COL4A2: variants seen among roughly 807,000 people sequenced by gnomAD.
COL4A2 encodes the protein collagen alpha-2(IV) chain.
In COL4A2, 99 loss-of-function variants were observed where a neutral mutation model predicts 200.2. The ratio of observed to expected loss-of-function variants is 0.49; its 90% CI spans 0.42 to 0.58. The LOEUF (loss-of-function observed/expected upper bound fraction) is 0.58. Among genes scored for constraint, COL4A2 ranks in the 20% least tolerant of loss-of-function variants. COL4A2 has a pLI of 0.00. For missense variants in COL4A2, 1,950 were observed against 2,314.1 expected (o/e 0.84, Z 3.23); for synonymous variants, 897 against 900.6 (o/e 1.00, Z 0.07).
chr13:110,447,362 A>G (rs1462163059), intron 18 of COL4A2, among the ~76,000 whole-genome samples: 2 of 152,162 alleles, frequency 1.3e-5, no homozygotes, highest in African/African-American at 2.4e-5. Context: ...AAATTCCCAG[A>G]TATTTACACA....
chr13:110,502,876 T>C, intron 41 of COL4A2: 1 of 448,608 alleles, frequency 2.2e-6, no homozygotes, highest in Non-Finnish European at 4.0e-6. Flanking sequence ...GAGAAAGTTC[T>C]GGAGCTGGTC....
chr13:110,336,590 T>C (rs776570888), intron 3 of COL4A2, among the ~76,000 whole-genome samples: 1 of 152,116 alleles, frequency 6.6e-6, no homozygotes, highest in African/African-American at 2.4e-5. Context: ...TTAAACATAC[T>C]GTTGTTCCCT....
At chr13:110,332,472 G>A (rs773337441) in intron 3 of COL4A2, among the ~76,000 whole-genome samples, 8 of 152,174 alleles carry the variant, frequency 5.3e-5, no homozygotes, top group Non-Finnish European at 8.8e-5. Flanking sequence ...ACACAAGTTC[G>A]TTCTCCTGTC....
chr13:110,429,908 G>C lies in COL4A2; in HGVS notation c.501G>C (p.Gln167His). 4 of 1,612,970 alleles carry C rather than the reference G, an allele frequency of 2.5e-6. No individual in the cohort carries two copies. Among genetic ancestry groups the C allele is most frequent in the Non-Finnish European group, 3.4e-6 (4 of 1,179,628 alleles). The part of the protein sequence containing the change: ...GPPGPQGPKG[Q>H]KGEPYALPKE... ...AGGGGCCCCAAGGACCAAAAGGGCA[G>C]AAAGGTGAGCCTTATGCACTGCCTA... Residue 167 changes from glutamine (Q) to histidine (H), a missense_variant, in exon 8 of 48, where the codon CAG becomes CAC. Gln to His is a conservative substitution (Grantham distance 24, BLOSUM62 0). Transcript: ENST00000360467.
At chr13:110,449,611 AAG>A in intron 18 of COL4A2, 66 bp from the exon 19 acceptor site, 1 of 1,445,196 alleles carries the variant, frequency 6.9e-7, no homozygotes, top group Non-Finnish European at 9.3e-7. Flanking sequence ...GTCAATGAAA[AAG>A]TGAACGCCAG....
chr13:110,408,010 G>A (rs1879636902), intron 4 of COL4A2, among the ~76,000 whole-genome samples: 1 of 152,246 alleles, frequency 6.6e-6, no homozygotes, highest in Admixed American at 6.5e-5. Flanking sequence ...GTCCAGGAGG[G>A]AGGTAGGAGC....
chr13:110,424,968 T>C lies in COL4A2; in HGVS notation c.331T>C (p.Ser111Pro). The change falls in exon 6 of 48, where the codon TCT (serine) becomes CCT (proline). Residue 111 changes from serine (S) to proline (P), a missense_variant. Physicochemically the swap from Ser to Pro is moderately conservative, Grantham distance 74 (BLOSUM62 -1). Coordinates refer to ENST00000360467, the MANE Select transcript of COL4A2 (RefSeq NM_001846.4). ...TTCTTCATAGGGAGCAAGAGGCGTT[T>C]CTGGATTCCCTGGTGCCGATGGAAT... ...PKGDVGARGV[S>P]GFPGADGIPG... 1 of 1,614,258 alleles carries C rather than the reference T, an allele frequency of 6.2e-7. No individual in the cohort carries two copies. Among genetic ancestry groups the C allele is most frequent in the Non-Finnish European group, 8.5e-7 (1 of 1,180,054 alleles).
At chr13:110,430,640 A>G (rs1413899494) in intron 10 of COL4A2, 33 bp downstream of exon 10, 1 of 1,613,910 alleles carries the variant, frequency 6.2e-7, no homozygotes, top group Non-Finnish European at 8.5e-7. Flanking sequence ...CCACTCTGGG[A>G]CCATCGTCCG....
chr13:110,377,347 TC>T (rs1268606422), intron 4 of COL4A2, among the ~76,000 whole-genome samples: 1 of 152,204 alleles, frequency 6.6e-6, no homozygotes, highest in Non-Finnish European at 1.5e-5. Context: ...CAGCTGTCCT[TC>T]CTGTGTGGTG....
chr13:110,404,685 G>A (rs1038015512), intron 4 of COL4A2, among the ~76,000 whole-genome samples: 10 of 152,174 alleles, frequency 6.6e-5, no homozygotes, highest in African/African-American at 1.9e-4. Context: ...AGTCCAGGAA[G>A]GAATCCCTGA....
At chr13:110,488,610 C>A (rs1311351357) in intron 34 of COL4A2, among the ~76,000 whole-genome samples, 1 of 152,242 alleles carries the variant, frequency 6.6e-6, no homozygotes, top group Non-Finnish European at 1.5e-5. Context: ...AGAGCAAGCT[C>A]TGCAGTCTGG....
rs9559827 is a variant in COL4A2 at position 110,495,097 on chromosome 13, A to G, written c.3635-245A>G. Among the ~76,000 whole-genome samples the G allele has an allele frequency of 0.11, 17,392 of 152,254 alleles. 1,273 individuals carry two copies. Among genetic ancestry groups the G allele is most frequent in the South Asian group, 0.21 (1,010 of 4,826 alleles). On this transcript the variant is annotated intron_variant, in intron 39 of 47. Transcript: ENST00000360467. ...TTGACCCACTGTTTCTGTGAATTTGAACCCTCTGATGGGCCTCGATCCTCT... is the reference window on the plus strand; with the variant it reads ...TTGACCCACTGTTTCTGTGAATTTGGACCCTCTGATGGGCCTCGATCCTCT...
rs1442058891 is a variant in COL4A2, at chr13:110,508,707, TAGAG to T, written c.4881+489_4881+492del. Among the ~76,000 whole-genome samples, 4 of 152,326 alleles carry T rather than the reference TAGAG, an allele frequency of 2.6e-5. No homozygotes were observed. Among genetic ancestry groups the T allele is most frequent in the East Asian group, 1.9e-4 (1 of 5,188 alleles). ...TTCTGGAATACCTTTGGGTATAAAA[TAGAG>T]AGCCTGTGGATACTTTGAAAGCCAG... On this transcript the variant is annotated intron_variant, in intron 47 of 47. Coordinates refer to ENST00000360467, the MANE Select transcript of COL4A2 (RefSeq NM_001846.4). This position sits in a 1 kb window ranked among gnomAD's most constrained non-coding sequence, Gnocchi z 6.1.
At chr13:110,483,396 C>A (rs1883000973) in intron 32 of COL4A2, among the ~76,000 whole-genome samples, 1 of 152,172 alleles carries the variant, frequency 6.6e-6, no homozygotes, top group Admixed American at 6.5e-5. Context: ...AAGTTCTACT[C>A]CTAGATGAAG....
intron 4 of COL4A2, among the ~76,000 whole-genome samples, chr13:110,407,290 C>G (rs566440830): frequency 3.7e-4 from 57 of 152,202 alleles, no homozygotes; most frequent in African/African-American, 1.3e-3. Flanking sequence ...AAGAAGTGAG[C>G]GAGGAGGAAT....
At chr13:110,381,514 C>T (rs1447392237) in intron 4 of COL4A2, among the ~76,000 whole-genome samples, 5 of 152,234 alleles carry the variant, frequency 3.3e-5, no homozygotes, top group Non-Finnish European at 7.3e-5. Flanking sequence ...GGCTGTGCAT[C>T]TTTCTGCCAG....
chr13:110,477,611 A>G lies in COL4A2; in HGVS notation c.2426-392A>G, dbSNP rs79642558. Reference sequence around the variant, plus strand: ...GGGAGGATGCGATGGAATACATTCAATGTGTCCAGATGATAGAGTTTTATT... The same window carrying G: ...GGGAGGATGCGATGGAATACATTCAGTGTGTCCAGATGATAGAGTTTTATT... On this transcript the variant is annotated intron_variant, in intron 29 of 47. Transcript: ENST00000360467. Among the ~76,000 whole-genome samples, 35 of 152,372 alleles carry G rather than the reference A, an allele frequency of 2.3e-4. 1 individual carries two copies. The highest frequency in any genetic ancestry group is 1.5e-3 in the East Asian group (8 of 5,192).
At chr13:110,342,700 GA>G (rs1419554793) in intron 3 of COL4A2, among the ~76,000 whole-genome samples, 1 of 152,100 alleles carries the variant, frequency 6.6e-6, no homozygotes, top group Non-Finnish European at 1.5e-5. Flanking sequence ...CCGCCCCCAC[GA>G]AACATGGCCT....
chr13:110,402,865 CTG>C (rs897908465), intron 4 of COL4A2, among the ~76,000 whole-genome samples: 1 of 152,210 alleles, frequency 6.6e-6, no homozygotes, highest in African/African-American at 2.4e-5. Flanking sequence ...CTCTTGCACT[CTG>C]TGTGCCTGCA....
Sources: allele counts gnomAD v4.1 joint callset (sites outside exome capture counted in the v4.1 genomes callset), GRCh38; gene constraint gnomAD v4.1.1; non-coding constraint Gnocchi (gnomAD v3.1); transcripts MANE v1.5; gene names NCBI Gene and HGNC (gene_info 2026-07-23, HGNC 2026-07-21).